SULT4A1: variants seen among roughly 807,000 people sequenced by gnomAD.
The protein encoded by SULT4A1 is sulfotransferase family 4A member 1.
In SULT4A1, 11 loss-of-function variants were observed where a neutral mutation model predicts 35.2. That is an observed-to-expected ratio of 0.31 (90% CI 0.20 to 0.52). SULT4A1 has a LOEUF of 0.52. SULT4A1 is among the 20% of genes least tolerant of loss of function. The probability of loss-of-function intolerance (pLI) is 0.97; values close to 1 mark genes in which losing one functional copy is unlikely to be tolerated. For synonymous variants in SULT4A1, 152 were observed against 151.8 expected (o/e 1.00, Z -0.01); for missense variants, 271 against 383.7 (o/e 0.71, Z 2.45).
At chr22:43,829,808 C>T (rs1259843834) in intron 5 of SULT4A1, among the ~76,000 whole-genome samples, 2 of 152,104 alleles carry the variant, frequency 1.3e-5, no homozygotes, top group Non-Finnish European at 2.9e-5. Context: ...TGAGGCTCCT[C>T]GTCTTCTCAA....
At chr22:43,842,596 G>A (rs990538519) in intron 1 of SULT4A1, among the ~76,000 whole-genome samples, 2 of 152,102 alleles carry the variant, frequency 1.3e-5, no homozygotes, top group South Asian at 2.1e-4. Context: ...AGGATGTGAC[G>A]GAACTGCAGA....
chr22:43,828,800 A>T (rs896593994), intron 6 of SULT4A1: 1 of 434,632 alleles, frequency 2.3e-6, no homozygotes, highest in Non-Finnish European at 4.0e-6. Context: ...ACAAAGCCTG[A>T]AATGCACTTT....
chr22:43,842,998 T>TCTCTCC (rs1569503975), intron 1 of SULT4A1, among the ~76,000 whole-genome samples: 1 of 151,134 alleles, frequency 6.6e-6, no homozygotes, highest in Admixed American at 6.6e-5. Flanking sequence ...TCTCTCTCTC[T>TCTCTCC]CTCTCTGACC....
intron 6 of SULT4A1, chr22:43,826,847 GCC>G (rs2063289988): frequency 2.0e-6 from 2 of 985,340 alleles, no homozygotes; most frequent in East Asian, 1.1e-4. Context: ...TCTGGGCACA[GCC>G]CCCAGCTGCT....
intron 1 of SULT4A1, among the ~76,000 whole-genome samples, chr22:43,849,249 C>T (rs2063495540): frequency 6.6e-6 from 1 of 152,202 alleles, no homozygotes; most frequent in Non-Finnish European, 1.5e-5. Context: ...CTGATTTTCA[C>T]TCACAGGATT....
At position 43,840,540 on chromosome 22, in the gene SULT4A1, G is replaced by T. The variant is rs561873194; in HGVS notation, c.301-515C>A. ...GCCACAGCCACAGGATCTGCTCAGG[G>T]GGCCTGGGAGCTACTGCCCCGGCTT... is the stretch of plus-strand genomic sequence containing the variant. On this transcript the variant is annotated intron_variant, in intron 2 of 6. Coordinates refer to ENST00000330884, the MANE Select transcript of SULT4A1 (RefSeq NM_014351.4). Among the ~76,000 whole-genome samples the T allele has an allele frequency of 1.2e-4, 19 of 152,246 alleles. 1 individual carries two copies. In the East Asian group the frequency reaches 3.7e-3, roughly 29 times the overall value.
chr22:43,830,083 G>A (rs911883249), intron 5 of SULT4A1, among the ~76,000 whole-genome samples: 2 of 152,210 alleles, frequency 1.3e-5, no homozygotes, highest in South Asian at 2.1e-4. Context: ...CTGCAGCAGC[G>A]GTTGCAGGTC....
chr22:43,854,812 C>G lies in SULT4A1; in HGVS notation c.169+7402G>C, dbSNP rs530296339. Among the ~76,000 whole-genome samples, 11 of 152,342 alleles carry G rather than the reference C, an allele frequency of 7.2e-5. No individual in the cohort carries two copies. The South Asian group carries it at 2.1e-3, about 29-fold the overall frequency. ...TTCCACAGAGGAACCCCTTTCCTGG[C>G]TTCTTCCCCCCTTGCCTTCTGAGAC... On this transcript the variant is annotated intron_variant, in intron 1 of 6. Coordinates refer to ENST00000330884, the MANE Select transcript of SULT4A1 (RefSeq NM_014351.4).
rs60746917 is a variant in SULT4A1 at position 43,857,370 on chromosome 22, CAAAAAAAAA to C, written c.169+4835_169+4843del. ...TGAGCAGCACAGTGAGATCCTGTCT[CAAAAAAAAA>C]AAAAAAAAAAAAGGAAAGAAAAAAG... On this transcript the variant is annotated intron_variant, in intron 1 of 6. Transcript: ENST00000330884. Among the ~76,000 whole-genome samples, 6 of 93,792 alleles carry C rather than the reference CAAAAAAAAA, an allele frequency of 6.4e-5. No homozygotes were observed. In the Middle Eastern group the frequency reaches 0.02, roughly 316 times the overall value. The allele number at this position is 93,792 out of a possible 152,430, so 61.5% of individuals were successfully genotyped here.
intron 1 of SULT4A1, among the ~76,000 whole-genome samples, chr22:43,851,279 G>A (rs538038418): frequency 7.7e-4 from 117 of 152,232 alleles, no homozygotes; most frequent in South Asian, 2.3e-3. Flanking sequence ...GTGTCTTGAC[G>A]CTCAGAGGAT....
chr22:43,826,787 T>TG (rs1828909428), intron 6 of SULT4A1: 1 of 985,318 alleles, frequency 1.0e-6, no homozygotes, highest in Non-Finnish European at 1.2e-6. Context: ...ACAGACTAGA[T>TG]GCAAAACATG....
chr22:43,857,723 G>C (rs1190083352), intron 1 of SULT4A1, among the ~76,000 whole-genome samples: 1 of 152,062 alleles, frequency 6.6e-6, no homozygotes, highest in Non-Finnish European at 1.5e-5. Context: ...TTACCCAGTG[G>C]AAAAAAGAAC....
chr22:43,830,953 G>A (rs938498810), intron 5 of SULT4A1, among the ~76,000 whole-genome samples: 1 of 152,176 alleles, frequency 6.6e-6, no homozygotes, highest in African/African-American at 2.4e-5. Context: ...ATTAAAACAA[G>A]CCATTACTGA....
chr22:43,828,794 A>G (rs1216494763), intron 6 of SULT4A1: 4 of 421,824 alleles, frequency 9.5e-6, no homozygotes, highest in Non-Finnish European at 1.7e-5. Context: ...CCGCCCACAA[A>G]GCCTGAAATG....
chr22:43,860,303 T>C (rs758852245), intron 1 of SULT4A1, among the ~76,000 whole-genome samples: 2 of 117,416 alleles, frequency 1.7e-5, no homozygotes, highest in Non-Finnish European at 3.5e-5. Flanking sequence ...GAGAGCTCAC[T>C]AAGGACAGGC....
chr22:43,852,483 C>G lies in SULT4A1; in HGVS notation c.169+9731G>C, dbSNP rs80254337. Among the ~76,000 whole-genome samples, 68 of 152,114 alleles carry G rather than the reference C, an allele frequency of 4.5e-4. 1 individual carries two copies. The highest frequency in any genetic ancestry group is 1.5e-3 in the African/African-American group (61 of 41,506). ...GTAAGCCACCACGCCTGGCCCACAGCTGAACTTTTAAAGGGGCAACCCATC... is the reference window on the plus strand; with the variant it reads ...GTAAGCCACCACGCCTGGCCCACAGGTGAACTTTTAAAGGGGCAACCCATC... On this transcript the variant is annotated intron_variant, in intron 1 of 6. Transcript: ENST00000330884.
At position 43,825,045 on chromosome 22, in the gene SULT4A1, T is replaced by G. The variant is rs888655999; in HGVS notation, c.*956A>C. 6.6e-6 allele frequency: 1 copy of G among 152,210 alleles called. No individual in the cohort carries two copies. The highest frequency in any genetic ancestry group is 2.4e-5 in the African/African-American group (1 of 41,460). The allele number at this position is 152,210 out of a possible 1,614,324, so 9.4% of individuals were successfully genotyped here. ...CAGGGCTACACTCGCAAAATGGTCC[T>G]CCCACGGCTGAGCGCCTCAGGTGCA... On this transcript the variant is annotated 3_prime_UTR_variant, in exon 7 of 7. Transcript: ENST00000330884.
At chr22:43,846,331 C>T (rs1334070906) in intron 1 of SULT4A1, among the ~76,000 whole-genome samples, 5 of 152,240 alleles carry the variant, frequency 3.3e-5, no homozygotes, top group Non-Finnish European at 7.3e-5. Flanking sequence ...GTGCTATCTA[C>T]CTGCCCAGAA....
At chr22:43,851,434 C>T (rs552270973) in intron 1 of SULT4A1, among the ~76,000 whole-genome samples, 8 of 152,260 alleles carry the variant, frequency 5.3e-5, no homozygotes, top group South Asian at 4.1e-4. Context: ...GTTGGAGACT[C>T]GCTACCTGGT....
Sources: allele counts gnomAD v4.1 joint callset (sites outside exome capture counted in the v4.1 genomes callset), GRCh38; gene constraint gnomAD v4.1.1; transcripts MANE v1.5; gene names NCBI Gene and HGNC (gene_info 2026-07-23, HGNC 2026-07-21).